OSGIN2: variants seen among roughly 807,000 people sequenced by gnomAD.
OSGIN2 encodes the protein oxidative stress-induced growth inhibitor 2.
Under a neutral mutation model 53.8 loss-of-function variants are expected in OSGIN2, and 19 were observed. That is an observed-to-expected ratio of 0.35 (90% CI 0.25 to 0.52). OSGIN2 has a LOEUF of 0.52. OSGIN2 is among the 20% of genes least tolerant of loss of function. The pLI is 0.95. For synonymous variants in OSGIN2, 236 were observed against 236.0 expected (o/e 1.00, Z 0.00); for missense variants, 520 against 662.7 (o/e 0.78, Z 2.36).
At chr8:89,906,148 G>T (rs2130688325) in intron 1 of OSGIN2, among the ~76,000 whole-genome samples, 1 of 152,258 alleles carries the variant, frequency 6.6e-6, no homozygotes, top group African/African-American at 2.4e-5. Flanking sequence ...ATGTGTCATG[G>T]GAGTTTGTTT....
rs555826237 is a variant in OSGIN2, at chr8:89,927,044, A to G, written c.*1512A>G. ...CCAGTTTTAGTTTTCTATTGTGATA[A>G]TAACTTTTTTCAAACCAGTTTCACA... On this transcript the variant is annotated 3_prime_UTR_variant, in exon 6 of 6. Coordinates refer to ENST00000451899, the MANE Select transcript of OSGIN2 (RefSeq NM_001126111.3). The G allele has an allele frequency of 5.9e-5, 9 of 152,318 alleles. No individual in the cohort carries two copies. Among genetic ancestry groups the G allele is most frequent in the South Asian group, 2.1e-4 (1 of 4,832 alleles). The allele number at this position is 152,318 out of a possible 1,614,324, so 9.4% of individuals were successfully genotyped here.
Position 89,914,074 on chromosome 8 carries a change from T to G in OSGIN2, c.200-3T>G. 6.2e-7 allele frequency: 1 copy of G among 1,608,322 alleles called. No individual in the cohort carries two copies. The highest frequency in any genetic ancestry group is 8.5e-7 in the Non-Finnish European group (1 of 1,177,542). On this transcript the variant is annotated splice_polypyrimidine_tract_variant and splice_region_variant and intron_variant, in intron 2 of 5. Transcript: ENST00000451899. Reference sequence around the variant, plus strand: ...ACCCCTTTCCACCTTTTATTTTTAATAGGAAATGGACCCTCAGGAATATGC... The same window carrying G: ...ACCCCTTTCCACCTTTTATTTTTAAGAGGAAATGGACCCTCAGGAATATGC...
chr8:89,910,575 A>G (rs934503740), intron 2 of OSGIN2, among the ~76,000 whole-genome samples: 2 of 152,198 alleles, frequency 1.3e-5, no homozygotes, highest in Non-Finnish European at 2.9e-5. Context: ...TAGGTTCTAT[A>G]CTAGATTCTC....
rs748489441 is a variant in OSGIN2 at position 89,924,646 on chromosome 8, A to T, written c.764A>T (p.Asp255Val). 6.2e-7 allele frequency: 1 copy of T among 1,614,156 alleles called. No individual in the cohort carries two copies. The highest frequency in any genetic ancestry group is 8.5e-7 in the Non-Finnish European group (1 of 1,179,962). ...VSRLYRDQDD[D>V]DIQDRDISTK... ...AGACTCTACAGAGATCAAGATGATG[A>T]TGATATTCAAGACAGAGATATTTCA... Residue 255 changes from aspartate to valine, a missense_variant, in exon 6 of 6, where the codon GAT (aspartate) becomes GTT (valine). Transcript: ENST00000451899.
Position 89,921,324 on chromosome 8 carries a change from C to T in OSGIN2, c.620+153C>T, listed in dbSNP as rs184281639. On this transcript the variant is annotated intron_variant, in intron 5 of 5. Coordinates refer to ENST00000451899, the MANE Select transcript of OSGIN2 (RefSeq NM_001126111.3). ...TCCTTGAAGCAGTGATTATAATATG[C>T]TAGTTTTCATTTAGAGATGTTATAA... The T allele has an allele frequency of 8.8e-5, 48 of 547,962 alleles. No individual in the cohort carries two copies. The East Asian group carries it at 1.4e-3, about 16-fold the overall frequency. The allele number at this position is 547,962 out of a possible 1,614,324, so 33.9% of individuals were successfully genotyped here.
In OSGIN2 at chr8:89,914,117, A is replaced by G; in HGVS notation, c.240A>G (p.Ser80=). ...GAATATGCCTTTCTTATATGTTATCAGGCTACAGACCGTATTTATCATCAG... is the reference window on the plus strand; with the variant it reads ...GAATATGCCTTTCTTATATGTTATCGGGCTACAGACCGTATTTATCATCAG... ...PSGICLSYML[S]GYRPYLSSEA... Residue 80 remains serine, a synonymous_variant, in exon 3 of 6, where the codon TCA becomes TCG. Coordinates refer to ENST00000451899, the MANE Select transcript of OSGIN2 (RefSeq NM_001126111.3). 6.2e-7 allele frequency: 1 copy of G among 1,609,306 alleles called. No homozygotes were observed. Among genetic ancestry groups the G allele is most frequent in the Non-Finnish European group, 8.5e-7 (1 of 1,176,308 alleles).
intron 1 of OSGIN2, among the ~76,000 whole-genome samples, chr8:89,907,253 C>T (rs563169763): frequency 1.3e-5 from 2 of 151,236 alleles, no homozygotes; most frequent in East Asian, 2.0e-4. Flanking sequence ...TGCAGAAGCT[C>T]GTTAGTTTAA....
At position 89,925,505 on chromosome 8, in the gene OSGIN2, AAG is replaced by A. The variant is rs1220593916; in HGVS notation, c.1626_1627del (p.Gly543ArgfsTer13). 3.7e-6 allele frequency: 6 copies of A among 1,613,840 alleles called. No homozygotes were observed. Among genetic ancestry groups the A allele is most frequent in the East Asian group, 2.2e-5 (1 of 44,868 alleles). ...AGAAGAAAAAGCATTTGTTTGTTGA[AAG>A]AGGAGGAGGAGATGGGATAGCTTAA... ...RQKKKHLFVE[R>X]GGGDGIA On this transcript the variant is annotated frameshift_variant, in exon 6 of 6. Coordinates refer to ENST00000451899, the MANE Select transcript of OSGIN2 (RefSeq NM_001126111.3). LOFTEE classifies it high-confidence loss of function.
intron 4 of OSGIN2, 42 bp downstream of exon 4, chr8:89,914,788 T>C (rs1450854106): frequency 7.5e-6 from 11 of 1,464,248 alleles, no homozygotes; most frequent in African/African-American, 1.4e-5. Flanking sequence ...TGTGAATTAT[T>C]TGTCTTGATA....
chr8:89,914,617 C>T lies in OSGIN2; in HGVS notation c.399C>T (p.Phe133=), dbSNP rs750247641. The change falls in exon 4 of 6, where the codon TTC becomes TTT. Residue 133 remains phenylalanine (F), a synonymous_variant. Coordinates refer to ENST00000451899, the MANE Select transcript of OSGIN2 (RefSeq NM_001126111.3). ...GRSSNPVAVL[F]DTLLHPDADF... is the part of the protein sequence containing the mutation. ...CATCCAATCCAGTTGCAGTACTTTTCGATACACTTCTTCATCCAGATGCTG... is the reference window on the plus strand; with the variant it reads ...CATCCAATCCAGTTGCAGTACTTTTTGATACACTTCTTCATCCAGATGCTG... 5.6e-6 allele frequency: 9 copies of T among 1,613,998 alleles called. No individual in the cohort carries two copies. In the East Asian group the frequency reaches 6.7e-5, roughly 12 times the overall value.
intron 4 of OSGIN2, among the ~76,000 whole-genome samples, chr8:89,917,909 C>G (rs1043093940): frequency 6.6e-6 from 1 of 152,136 alleles, no homozygotes; most frequent in Non-Finnish European, 1.5e-5. Context: ...TCTTCAATTT[C>G]TCTGCCAGCT....
Position 89,926,004 on chromosome 8 carries a change from A to G in OSGIN2, c.*472A>G, listed in dbSNP as rs1361825482. ...GAAATGTAAACTCTCAGGCCCCACA[A>G]CTTACTTCCTGCATTTTAACAAGAT... On this transcript the variant is annotated 3_prime_UTR_variant, in exon 6 of 6. Coordinates refer to ENST00000451899, the MANE Select transcript of OSGIN2 (RefSeq NM_001126111.3). 3.2e-5 allele frequency: 5 copies of G among 156,410 alleles called. No individual in the cohort carries two copies. The highest frequency in any genetic ancestry group is 1.9e-4 in the East Asian group (1 of 5,318). The allele number at this position is 156,410 out of a possible 1,614,324, so 9.7% of individuals were successfully genotyped here. A position where few individuals can be genotyped will look rare whatever the true frequency, so the allele number is the denominator to read the frequency against.
intron 1 of OSGIN2, among the ~76,000 whole-genome samples, chr8:89,908,130 A>G (rs1808877529): frequency 6.6e-6 from 1 of 152,230 alleles, no homozygotes; most frequent in African/African-American, 2.4e-5. Context: ...AAGAGGTAGA[A>G]GCGGGCATGG....
intron 5 of OSGIN2, among the ~76,000 whole-genome samples, chr8:89,922,943 C>T (rs972192214): frequency 2.0e-5 from 3 of 151,882 alleles, no homozygotes; most frequent in African/African-American, 7.3e-5. Flanking sequence ...ATTTTTGTAT[C>T]TAAATATACA....
At chr8:89,903,485 C>T (rs1273280553) in intron 1 of OSGIN2, among the ~76,000 whole-genome samples, 1 of 152,120 alleles carries the variant, frequency 6.6e-6, no homozygotes, top group Non-Finnish European at 1.5e-5. Context: ...TGATTTTAAC[C>T]CTGGGGTGAA....
chr8:89,916,714 A>C (rs1809086604), intron 4 of OSGIN2, among the ~76,000 whole-genome samples: 1 of 152,036 alleles, frequency 6.6e-6, no homozygotes, highest in East Asian at 1.9e-4. Flanking sequence ...CCCTTGAACC[A>C]ATTTTGTGAT....
At chr8:89,910,659 T>C (rs967976674) in intron 2 of OSGIN2, among the ~76,000 whole-genome samples, 1 of 152,210 alleles carries the variant, frequency 6.6e-6, no homozygotes, top group Admixed American at 6.5e-5. Context: ...CCATACGTCA[T>C]GTTTCATTTT....
At chr8:89,912,635 A>G (rs1426767501) in intron 2 of OSGIN2, among the ~76,000 whole-genome samples, 1 of 151,992 alleles carries the variant, frequency 6.6e-6, no homozygotes, top group East Asian at 1.9e-4. Context: ...AGTCCTAGCT[A>G]CTTGGGAGGC....
intron 1 of OSGIN2, among the ~76,000 whole-genome samples, chr8:89,908,500 A>G (rs1449417164): frequency 2.0e-5 from 3 of 152,140 alleles, no homozygotes; most frequent in South Asian, 2.1e-4. Flanking sequence ...AGTGAGTTCA[A>G]TCTTGTGAAA....
Sources: allele counts gnomAD v4.1 joint callset (sites outside exome capture counted in the v4.1 genomes callset), GRCh38; gene constraint gnomAD v4.1.1; transcripts MANE v1.5; gene names NCBI Gene and HGNC (gene_info 2026-07-23, HGNC 2026-07-21).